NOL4: variants seen among roughly 807,000 people sequenced by gnomAD.
NOL4 encodes the protein cancer/testis antigen 125.
Under a neutral mutation model 75.9 loss-of-function variants are expected in NOL4, and 17 were observed. The observed-to-expected ratio is 0.22, with a 90% confidence interval of 0.15 to 0.34. The LOEUF (loss-of-function observed/expected upper bound fraction) is 0.34, where lower values mean the gene tolerates loss of function less well. Among genes scored for constraint, NOL4 ranks in the 10% least tolerant of loss-of-function variants. The pLI is 1.00. For missense variants in NOL4, 614 were observed against 793.5 expected (o/e 0.77, Z 2.72); for synonymous variants, 292 against 289.9 (o/e 1.01, Z -0.07).
rs532631677 is a variant in NOL4, at chr18:34,035,630, T to C, written c.773-16029A>G. Among the ~76,000 whole-genome samples the C allele has an allele frequency of 4.7e-5, 7 of 147,776 alleles. No homozygotes were observed. The South Asian group carries it at 1.3e-3, about 27-fold the overall frequency. ...CAAAAACAGCAAAAGGAAAAAAAAA[T>C]AATGATTAAAGCAGAACTAAATGAA... On this transcript the variant is annotated intron_variant, in intron 5 of 10. Coordinates refer to ENST00000261592, the MANE Select transcript of NOL4 (RefSeq NM_003787.5).
At chr18:34,149,809 G>A (rs1003773415) in intron 1 of NOL4, among the ~76,000 whole-genome samples, 1 of 151,740 alleles carries the variant, frequency 6.6e-6, no homozygotes, top group South Asian at 2.1e-4. Flanking sequence ...AATGCTTAGT[G>A]ATCATTATTT....
intron 9 of NOL4, among the ~76,000 whole-genome samples, chr18:33,924,003 A>C (rs1030834198): frequency 4.6e-5 from 7 of 152,180 alleles, no homozygotes; most frequent in African/African-American, 1.7e-4. Context: ...TGAGTACTTA[A>C]AAATTAGATA....
In NOL4 at chr18:34,069,566, T is replaced by C. The variant is rs577281733; in HGVS notation, c.772+23899A>G. Among the ~76,000 whole-genome samples, 20 of 151,976 alleles carry C rather than the reference T, an allele frequency of 1.3e-4. No homozygotes were observed. The South Asian group carries it at 4.2e-3, about 32-fold the overall frequency. ...GAAGCTCAACAAACACTAAGCAGAA[T>C]TTTTTTTAATGCATTTAGGCATATC... On this transcript the variant is annotated intron_variant, in intron 5 of 10. Transcript: ENST00000261592.
intron 1 of NOL4, among the ~76,000 whole-genome samples, chr18:34,162,074 G>T (rs1475582086): frequency 1.3e-5 from 2 of 152,038 alleles, no homozygotes; most frequent in South Asian, 4.1e-4. Context: ...TGCCAAATTT[G>T]CTCATTTCTG....
chr18:34,035,630 T>A (rs532631677), intron 5 of NOL4, among the ~76,000 whole-genome samples: 6 of 147,766 alleles, frequency 4.1e-5, no homozygotes, highest in South Asian at 2.2e-4. Flanking sequence ...GAAAAAAAAA[T>A]AATGATTAAA....
intron 4 of NOL4, among the ~76,000 whole-genome samples, chr18:34,103,100 ATT>A (rs1473130184): frequency 6.6e-6 from 1 of 152,074 alleles, no homozygotes; most frequent in African/African-American, 2.4e-5. Flanking sequence ...CAACAAAGTA[ATT>A]TTAAAAGAAT....
At position 34,223,661 on chromosome 18, in the gene NOL4, C is replaced by T. The variant is rs1028973376; in HGVS notation, c.-408G>A. 3.7e-5 allele frequency: 6 copies of T among 161,026 alleles called. No homozygotes were observed. The highest frequency in any genetic ancestry group is 8.1e-5 in the Non-Finnish European group (6 of 74,122). The allele number at this position is 161,026 out of a possible 1,614,324, so 10.0% of individuals were successfully genotyped here. The stretch of plus-strand genomic sequence containing the variant: ...GGGGTGGTCCCTAGACGCCTCGCCC[C>T]CGGGCTGCGTCCGGGGCTGGGCAGG... On this transcript the variant is annotated 5_prime_UTR_variant, in exon 1 of 11. Coordinates refer to ENST00000261592, the MANE Select transcript of NOL4 (RefSeq NM_003787.5).
intron 9 of NOL4, among the ~76,000 whole-genome samples, chr18:33,898,389 C>T (rs904680083): frequency 6.6e-6 from 1 of 152,080 alleles, no homozygotes; most frequent in African/African-American, 2.4e-5. Context: ...CCCTCTGAGG[C>T]CTATGCCCAA....
At position 34,019,555 on chromosome 18, in the gene NOL4, G is replaced by C; in HGVS notation, c.819C>G (p.His273Gln). 1 of 1,613,938 alleles carries C rather than the reference G, an allele frequency of 6.2e-7. No homozygotes were observed. The highest frequency in any genetic ancestry group is 1.3e-5 in the African/African-American group (1 of 75,004). Residue 273 changes from histidine to glutamine, a missense_variant, in exon 6 of 11, where the codon CAC (histidine) becomes CAG (glutamine). Around this residue, in one of 9 missense-constraint regions of NOL4, gnomAD observed 196 missense variants for 167.9 expected, o/e 1.17. Coordinates refer to ENST00000261592, the MANE Select transcript of NOL4 (RefSeq NM_003787.5). The stretch of plus-strand genomic sequence containing the variant: ...GTGTTCCCCCTGAAGCAATTGAACT[G>C]TGCCCCAGAGTCTCATTGCCATTAA... The part of the protein sequence containing the change: ...ESFNGNETLG[H>Q]SSIASGGTHS...
At chr18:34,222,141 C>A (rs1177370269) in intron 1 of NOL4, 2 of 1,528,138 alleles carry the variant, frequency 1.3e-6, no homozygotes, top group Admixed American at 4.0e-5. Flanking sequence ...CTGGCTTCTG[C>A]AGCGTGAGGC....
At chr18:34,027,418 C>T (rs187081085) in intron 5 of NOL4, among the ~76,000 whole-genome samples, 3 of 152,238 alleles carry the variant, frequency 2.0e-5, no homozygotes, top group Non-Finnish European at 2.9e-5. Flanking sequence ...AACAACCCTC[C>T]AAGGAGAACA....
chr18:34,017,298 CTG>C (rs1568220798), intron 6 of NOL4, among the ~76,000 whole-genome samples: 1 of 152,090 alleles, frequency 6.6e-6, no homozygotes, highest in African/African-American at 2.4e-5. Flanking sequence ...TGAATAAAGA[CTG>C]TTATTTCTGA....
At chr18:34,125,995 GTTATTAC>G (rs2080370918) in intron 2 of NOL4, among the ~76,000 whole-genome samples, 1 of 151,714 alleles carries the variant, frequency 6.6e-6, no homozygotes, top group South Asian at 2.1e-4. Context: ...TGCATGAGAA[GTTATTAC>G]TATTCCTGTC....
chr18:34,145,851 C>G (rs1328277060), intron 1 of NOL4, among the ~76,000 whole-genome samples: 2 of 152,112 alleles, frequency 1.3e-5, no homozygotes, highest in East Asian at 3.9e-4. Flanking sequence ...AAATTTACAT[C>G]TACTCTTTCC....
At chr18:33,892,305 C>A (rs1207396200) in intron 9 of NOL4, among the ~76,000 whole-genome samples, 3 of 151,976 alleles carry the variant, frequency 2.0e-5, no homozygotes, top group Non-Finnish European at 4.4e-5. Flanking sequence ...GTGGAATGTG[C>A]CTGTAGTCCT....
chr18:33,984,811 T>C (rs995567041), intron 6 of NOL4, among the ~76,000 whole-genome samples: 1 of 152,120 alleles, frequency 6.6e-6, no homozygotes, highest in African/African-American at 2.4e-5. Context: ...TTTTATCATT[T>C]GAAGTAAAAC....
At chr18:34,197,886 G>A (rs932636580) in intron 1 of NOL4, among the ~76,000 whole-genome samples, 2 of 151,858 alleles carry the variant, frequency 1.3e-5, no homozygotes, top group Admixed American at 6.6e-5. Flanking sequence ...GAGATTTATG[G>A]GACAATATCC....
chr18:33,964,510 AAGGAAGGAAGGAAGGAAGAT>A (rs1281984366), intron 6 of NOL4, among the ~76,000 whole-genome samples: 4 of 147,574 alleles, frequency 2.7e-5, no homozygotes, highest in Non-Finnish European at 4.4e-5. Context: ...AAAGAAAAGA[AAGGAAGGAAGGAAGGAAGAT>A]AGGAAGGAAG....
At chr18:34,188,670 C>T (rs1294367281) in intron 1 of NOL4, among the ~76,000 whole-genome samples, 2 of 152,112 alleles carry the variant, frequency 1.3e-5, no homozygotes, top group Non-Finnish European at 2.9e-5. Context: ...GCCTACCACC[C>T]AAAGAGTGTA....
Sources: gnomAD v4.1 joint callset for allele counts (sites outside exome capture counted in the v4.1 genomes callset) on GRCh38, gnomAD v4.1.1 for gene constraint, gnomAD v4.1.1 regional missense constraint, MANE v1.5 for transcripts, NCBI Gene and HGNC (gene_info 2026-07-23, HGNC 2026-07-21) for gene names.